The following CDH26 variants were observed in gnomAD, a reference collection of about 807,000 sequenced individuals.
CDH26 encodes the protein cadherin-like protein 26.
Under a neutral mutation model 90.3 loss-of-function variants are expected in CDH26, and 83 were observed. The observed-to-expected ratio is 0.92, with a 90% confidence interval of 0.77 to 1.10. The LOEUF is 1.10. Ranked by LOEUF, CDH26 falls within the 50% of genes least tolerant of loss-of-function variation. The pLI, the probability that CDH26 is intolerant of heterozygous loss-of-function variation, is 0.00. For missense variants in CDH26, 1,013 were observed against 1,037.6 expected, an observed-to-expected ratio of 0.98 and a Z score of 0.33; for synonymous variants, 397 against 396.3, an observed-to-expected ratio of 1.00 and a Z score of -0.02.
At chr20:60,016,584 C>T (rs2061907289), downstream of CDH26, among the ~76,000 whole-genome samples, 1 of 150,888 alleles carries the variant, frequency 6.6e-6, no homozygotes, top group African/African-American at 2.5e-5. Flanking sequence ...TTCCTCCTTT[C>T]TAATTTGAAT....
chr20:60,000,051 T>C (rs535894716), intron 14 of CDH26, among the ~76,000 whole-genome samples: 1 of 152,262 alleles, frequency 6.6e-6, no homozygotes, highest in South Asian at 2.1e-4. Flanking sequence ...ATATTTCAAC[T>C]GTAAATGAAA....
At position 60,012,572 on chromosome 20, in the gene CDH26, C is replaced by T. The variant is rs1601208495; in HGVS notation, c.2341C>T (p.Pro781Ser). Reference protein sequence around the residue: ...NVLEDDPGYLPHVYSEEGECG... With the variant: ...NVLEDDPGYLSHVYSEEGECG... ...GCTGGAAGATGACCCCGGCTACCTA[C>T]CTCACGTCTACAGCGAGGAAGGGGA... Residue 781 changes from proline to serine, a missense_variant, in exon 18 of 18, where the codon CCT becomes TCT. Physicochemically the swap from Pro to Ser is moderately conservative, Grantham distance 74. Coordinates refer to ENST00000348616, the MANE Select transcript of CDH26 (RefSeq NM_177980.4). 1 of 1,614,170 alleles carries T rather than the reference C, an allele frequency of 6.2e-7. No individual in the cohort carries two copies. Among genetic ancestry groups the T allele is most frequent in the East Asian group, 2.2e-5 (1 of 44,878 alleles).
At position 59,992,498 on chromosome 20, in the gene CDH26, C is replaced by T; in HGVS notation, c.1404C>T (p.Ile468=). ...ATGTAAATAACAGTTTTTATGTAAT[C>T]ATCATTCACGCTGTTGATGATGGTG... ...SPHVNNSFYV[I]IIHAVDDGFP... The change falls in exon 10 of 18, where the codon ATC becomes ATT. Residue 468 remains isoleucine, a synonymous_variant. Transcript: ENST00000348616. This position sits in a 1 kb window ranked among gnomAD's most constrained non-coding sequence, Gnocchi z 5.0. 4 of 1,614,094 alleles carry T rather than the reference C, an allele frequency of 2.5e-6. No homozygotes were observed. The South Asian group carries it at 4.4e-5, about 18-fold the overall frequency.
chr20:60,021,096 G>C (rs1311735135), intron 7 of CDH26, among the ~76,000 whole-genome samples: 1 of 152,192 alleles, frequency 6.6e-6, no homozygotes, highest in Non-Finnish European at 1.5e-5. Flanking sequence ...TTAAAGCTTA[G>C]TTATTTATTT....
At chr20:59,968,923 G>A (rs919334630) in intron 1 of CDH26, 44 bp from the exon 2 acceptor site, 5 of 1,071,408 alleles carry the variant, frequency 4.7e-6, no homozygotes. Context: ...ATGTGATTCT[G>A]GTAAGAATAT....
At chr20:59,974,633 G>T (rs867640078) in intron 4 of CDH26, among the ~76,000 whole-genome samples, 1 of 152,070 alleles carries the variant, frequency 6.6e-6, no homozygotes, top group Non-Finnish European at 1.5e-5. Context: ...GAGCTCCCTG[G>T]CTAGGCCAAA....
chr20:59,987,437 T>C lies in CDH26; in HGVS notation c.838-16T>C. 1.3e-6 allele frequency: 2 copies of C among 1,599,402 alleles called. No individual in the cohort carries two copies. Among genetic ancestry groups the C allele is most frequent in the Non-Finnish European group, 1.7e-6 (2 of 1,173,082 alleles). On this transcript the variant is annotated splice_polypyrimidine_tract_variant and intron_variant, in intron 7 of 17. Transcript: ENST00000348616. The stretch of plus-strand genomic sequence containing the variant: ...TTTTGTTTCCATGACATGGACATGA[T>C]GATTGCTTCTTTCAGTATAAGGTTC...
intron 9 of CDH26, among the ~76,000 whole-genome samples, chr20:59,991,404 C>T (rs866576173): frequency 8.5e-5 from 13 of 152,296 alleles, no homozygotes; most frequent in Middle Eastern, 3.4e-3. Context: ...TTGGGGGCAG[C>T]TTTGGTTTCC....
rs537999388 is a variant in CDH26 at position 59,984,730 on chromosome 20, A to G, written c.633A>G (p.Pro211=). 11 of 1,614,036 alleles carry G rather than the reference A, an allele frequency of 6.8e-6. No homozygotes were observed. The highest frequency in any genetic ancestry group is 9.3e-6 in the Non-Finnish European group (11 of 1,179,952). ...QVLYFLISQT[P]LLKESGFRVD... ...TTTACTTCCTCATTTCTCAAACACC[A>G]TTACTGAAAGAAAGTGGTTTCCGGG... Residue 211 remains proline, a synonymous_variant, in exon 6 of 18, where the codon CCA becomes CCG. Transcript: ENST00000348616.
chr20:59,986,933 CA>C (rs1363593108), intron 7 of CDH26, among the ~76,000 whole-genome samples: 2 of 152,080 alleles, frequency 1.3e-5, no homozygotes, highest in East Asian at 3.8e-4. Context: ...GCAATGCTCT[CA>C]AAAATATGGC....
At chr20:59,993,361 G>T (rs1036072308) in intron 10 of CDH26, among the ~76,000 whole-genome samples, 2 of 152,162 alleles carry the variant, frequency 1.3e-5, no homozygotes, top group Non-Finnish European at 2.9e-5. Flanking sequence ...TTAGTGCACT[G>T]GTCACCTGAG....
chr20:59,978,960 G>A (rs561586725), intron 4 of CDH26, among the ~76,000 whole-genome samples: 12 of 151,902 alleles, frequency 7.9e-5, no homozygotes, highest in Non-Finnish European at 1.3e-4. Flanking sequence ...ACTTGTGTAC[G>A]GTAAAATTTG....
At chr20:60,016,585 T>C (rs933841444), downstream of CDH26, among the ~76,000 whole-genome samples, 2 of 150,948 alleles carry the variant, frequency 1.3e-5, no homozygotes, top group African/African-American at 5.0e-5. Context: ...TCCTCCTTTC[T>C]AATTTGAATT....
At chr20:59,972,160 A>G (rs528468512) in intron 4 of CDH26, 37 bp downstream of exon 4, 2 of 1,592,016 alleles carry the variant, frequency 1.3e-6, no homozygotes, top group South Asian at 2.2e-5. Context: ...CTCGGATTTA[A>G]AAGCTCTTGC....
Position 59,958,631 on chromosome 20 carries a change from G to A in CDH26, c.-96G>A. 8.7e-7 allele frequency: 1 copy of A among 1,151,610 alleles called. No homozygotes were observed. The highest frequency in any genetic ancestry group is 2.4e-5 in the East Asian group (1 of 42,050). 71.3% of individuals were successfully genotyped at this position (1,151,610 alleles called of 1,614,324 possible). The stretch of plus-strand genomic sequence containing the variant: ...CCTGAAAACCTTTAGAGAAGAAGCT[G>A]CTGGCTGAGAAGGAGGTGTGTGGCT... On this transcript the variant is annotated 5_prime_UTR_variant, in exon 1 of 18. Transcript: ENST00000348616.
At position 59,996,033 on chromosome 20, in the gene CDH26, G is replaced by C; in HGVS notation, c.1867G>C (p.Ala623Pro). The change falls in exon 12 of 18, where the codon GCA (alanine) becomes CCA (proline). Residue 623 changes from alanine to proline, a missense_variant. Coordinates refer to ENST00000348616, the MANE Select transcript of CDH26 (RefSeq NM_177980.4). ...TGTGGGGGCCCTGTTCCCTGTCTGT[G>C]CAGCATTTGTGGCTCTGGCAGGTCA... ...LHVGALFPVC[A>P]AFVALAVALL... The C allele has an allele frequency of 6.2e-7, 1 of 1,613,416 alleles. No homozygotes were observed. The highest frequency in any genetic ancestry group is 8.5e-7 in the Non-Finnish European group (1 of 1,180,010).
intron 1 of CDH26, among the ~76,000 whole-genome samples, chr20:59,960,719 C>T (rs907876738): frequency 2.0e-5 from 3 of 152,150 alleles, no homozygotes; most frequent in African/African-American, 7.2e-5. Context: ...CCTTTACCTC[C>T]CTGACTCTGC....
chr20:59,990,166 A>C (rs567905899), intron 9 of CDH26, among the ~76,000 whole-genome samples: 1 of 152,348 alleles, frequency 6.6e-6, no homozygotes, highest in East Asian at 1.9e-4. Context: ...CTCAAAGTTC[A>C]TGCACGTTTA....
chr20:60,035,760 G>A (rs944042635), downstream of CDH26, among the ~76,000 whole-genome samples: 10 of 152,072 alleles, frequency 6.6e-5, no homozygotes, highest in African/African-American at 2.2e-4. Context: ...GAGTTCTCAC[G>A]AGACCTGGTG....
Sources: allele counts gnomAD v4.1 joint callset (sites outside exome capture counted in the v4.1 genomes callset), GRCh38; gene constraint gnomAD v4.1.1; non-coding constraint Gnocchi (gnomAD v3.1); transcripts MANE v1.5; gene names NCBI Gene and HGNC (gene_info 2026-07-23, HGNC 2026-07-21).